Variants in C4orf50 observed in about 807,000 individuals in gnomAD.
The protein encoded by C4orf50 is uncharacterized protein C4orf50.
C4orf50 carries 80 observed loss-of-function variants against 77.2 expected under a neutral mutation model. The ratio of observed to expected loss-of-function variants is 1.04; its 90% CI spans 0.87 to 1.25. The LOEUF (loss-of-function observed/expected upper bound fraction) is 1.25. Ranked by LOEUF, C4orf50 falls within the 50% of genes most tolerant of loss-of-function variation. C4orf50 has a pLI of 0.00. For missense variants in C4orf50, 1,257 were observed against 1,152.9 expected (o/e 1.09, Z -1.31); for synonymous variants, 532 against 465.3 (o/e 1.14, Z -1.84).
intron 25 of C4orf50, among the ~76,000 whole-genome samples, chr4:6,004,082 GATA>G (rs1722041046): frequency 1.9e-5 from 1 of 52,460 alleles, no homozygotes; most frequent in Non-Finnish European, 3.6e-5. Flanking sequence ...GTGATGATGT[GATA>G]GTGATGATGG....
Position 6,011,063 on chromosome 4 carries a change from C to A in C4orf50, c.426+767G>T, listed in dbSNP as rs1431637294. ...CCAGGCCTCTGCCTCCAGAGCCCCC[C>A]ACCCTTAACTGCCCACTGCTTCTCC... is the stretch of plus-strand genomic sequence containing the variant. On this transcript the variant is annotated intron_variant, in intron 24 of 33. Transcript: ENST00000531445. This position sits in a 1 kb window ranked among gnomAD's most constrained non-coding sequence, Gnocchi z 4.2. Among the ~76,000 whole-genome samples the A allele has an allele frequency of 1.3e-5, 2 of 152,186 alleles. No homozygotes were observed. The highest frequency in any genetic ancestry group is 1.5e-5 in the Non-Finnish European group (1 of 68,020).
intron 7 of C4orf50, chr4:5,902,578 C>A (rs1424603404): frequency 1.3e-5 from 2 of 152,186 alleles, no homozygotes; most frequent in Non-Finnish European, 2.9e-5. Context: ...CTGCCGGATG[C>A]TTTTCTTTTC....
chr4:5,964,745 G>A (rs1201980517), intron 33 of C4orf50, among the ~76,000 whole-genome samples: 1 of 126,812 alleles, frequency 7.9e-6, no homozygotes, highest in Non-Finnish European at 1.6e-5. Context: ...TCCAGCCTGG[G>A]TAACAGAGCA....
exon 28 of C4orf50, chr4:5,988,661 C>T (rs560872212): frequency 2.1e-5 from 33 of 1,535,972 alleles, no homozygotes; most frequent in Middle Eastern, 1.7e-4. Context: ...TTGTCTAGAG[C>T]GTGCATCTTG....
chr4:5,905,856 G>T lies in C4orf50; in HGVS notation c.*2475-7668C>A, dbSNP rs1410763547. Among the ~76,000 whole-genome samples the T allele has an allele frequency of 6.7e-6, 1 of 148,956 alleles. No homozygotes were observed. Among genetic ancestry groups the T allele is most frequent in the South Asian group, 2.2e-4 (1 of 4,648 alleles). ...TGCTCTGGGATGTCGTCATTTGTTC[G>T]TCCAACAAAAAGTGATGGGACACCT... On this transcript the variant is annotated intron_variant, in intron 7 of 7. Coordinates refer to the C4orf50 transcript ENST00000324058. The surrounding 1 kb of genome is among the most constrained non-coding windows in gnomAD (Gnocchi z 5.4).
chr4:5,996,976 G>T (rs1050604829), intron 25 of C4orf50, among the ~76,000 whole-genome samples: 4 of 152,024 alleles, frequency 2.6e-5, no homozygotes, highest in Non-Finnish European at 4.4e-5. Context: ...AGTGTGAGAG[G>T]GAAAAGAGAA....
intron 33 of C4orf50, among the ~76,000 whole-genome samples, chr4:5,962,622 C>T (rs1719333425): frequency 6.6e-6 from 1 of 152,212 alleles, no homozygotes; most frequent in Admixed American, 6.5e-5. Flanking sequence ...ACATAATGAT[C>T]AGAGGGCCAG....
chr4:5,983,939 A>G (rs1720730931), intron 28 of C4orf50, among the ~76,000 whole-genome samples: 1 of 152,222 alleles, frequency 6.6e-6, no homozygotes. Flanking sequence ...TAAGCCTTGC[A>G]AAGAACAGCA....
intron 26 of C4orf50, among the ~76,000 whole-genome samples, chr4:5,993,422 T>A (rs988820745): frequency 6.6e-6 from 1 of 152,072 alleles, no homozygotes; most frequent in African/African-American, 2.4e-5. Flanking sequence ...GCCCTTGAGG[T>A]TGGAGGGCTG....
rs562828737 is a variant in C4orf50 at position 5,970,300 on chromosome 4, A to G, written c.4105-2838T>C. On this transcript the variant is annotated intron_variant, in intron 31 of 33. Transcript: ENST00000531445. This position sits in a 1 kb window ranked among gnomAD's most constrained non-coding sequence, Gnocchi z 4.3. ...TCTAGAGAGGTTTTAGGAATCCGAGAACAGCCTTCCCTGAGGGACCATCTC... is the reference window on the plus strand; with the variant it reads ...TCTAGAGAGGTTTTAGGAATCCGAGGACAGCCTTCCCTGAGGGACCATCTC... Among the ~76,000 whole-genome samples, 2 of 152,270 alleles carry G rather than the reference A, an allele frequency of 1.3e-5. No homozygotes were observed. Among genetic ancestry groups the G allele is most frequent in the East Asian group, 1.9e-4 (1 of 5,164 alleles).
chr4:5,975,311 G>C (rs1450426461), intron 30 of C4orf50, among the ~76,000 whole-genome samples: 1 of 152,062 alleles, frequency 6.6e-6, no homozygotes, highest in African/African-American at 2.4e-5. Flanking sequence ...AGCATGAAAA[G>C]TGCAGCCTCA....
chr4:5,929,076 G>A (rs989334946), intron 7 of C4orf50, among the ~76,000 whole-genome samples: 14 of 152,188 alleles, frequency 9.2e-5, no homozygotes, highest in Non-Finnish European at 2.1e-4. Flanking sequence ...CTGAACAAAT[G>A]TGAAAAGGCC....
At chr4:5,906,696 G>A (rs952147831) in intron 7 of C4orf50, among the ~76,000 whole-genome samples, 5 of 152,264 alleles carry the variant, frequency 3.3e-5, no homozygotes, top group South Asian at 4.1e-4. Context: ...CACACAGCTC[G>A]TGGCCGCATC....
intron 7 of C4orf50, among the ~76,000 whole-genome samples, chr4:5,934,573 A>G (rs1272420473): frequency 6.6e-6 from 1 of 151,958 alleles, no homozygotes; most frequent in African/African-American, 2.4e-5. Context: ...AACTCCTGGC[A>G]TGTTCTTCAC....
At chr4:5,952,851 T>G (rs1718790003), downstream of C4orf50, among the ~76,000 whole-genome samples, 1 of 152,112 alleles carries the variant, frequency 6.6e-6, no homozygotes, top group Non-Finnish European at 1.5e-5. This position sits in a 1 kb window ranked among gnomAD's most constrained non-coding sequence, Gnocchi z 4.4. Flanking sequence ...GAACGACTCG[T>G]TTTGGCACCG....
intron 23 of C4orf50, 138 bp from the exon 2 acceptor site, chr4:6,012,106 T>G (rs550618119): frequency 5.0e-6 from 2 of 397,512 alleles, no homozygotes; most frequent in African/African-American, 4.1e-5. Flanking sequence ...AAAATTACGT[T>G]TTGCATAATA....
intron 25 of C4orf50, among the ~76,000 whole-genome samples, chr4:5,998,693 T>C (rs1721703140): frequency 6.6e-6 from 1 of 152,238 alleles, no homozygotes; most frequent in African/African-American, 2.4e-5. Context: ...CACAGCCCTG[T>C]GCTGCCCTCT....
rs796430839 is a variant in C4orf50, at chr4:5,905,915, CA to C, written c.*2475-7728del. Among the ~76,000 whole-genome samples, 16 of 125,188 alleles carry C rather than the reference CA, an allele frequency of 1.3e-4. 1 individual carries two copies. The highest frequency in any genetic ancestry group is 5.8e-4 in the African/African-American group (16 of 27,504). The allele number at this position is 125,188 out of a possible 152,430, so 82.1% of individuals were successfully genotyped here. A position where few individuals can be genotyped will look rare whatever the true frequency, so the allele number is the denominator to read the frequency against. ...GTAATCTCTATGCTAAGCACGGGGG[CA>C]GGGGGGCGGGGGGCAGAGGGACGGA... On this transcript the variant is annotated intron_variant, in intron 7 of 7. Coordinates refer to the C4orf50 transcript ENST00000324058. This position sits in a 1 kb window ranked among gnomAD's most constrained non-coding sequence, Gnocchi z 5.4.
At chr4:5,904,978 C>T (rs1331942489) in intron 7 of C4orf50, 1 of 152,162 alleles carries the variant, frequency 6.6e-6, no homozygotes, top group Non-Finnish European at 1.5e-5. Context: ...CTGCATTTTA[C>T]AAACACAACA....
Sources: allele counts gnomAD v4.1 joint callset (sites outside exome capture counted in the v4.1 genomes callset), GRCh38; gene constraint gnomAD v4.1.1; non-coding constraint Gnocchi (gnomAD v3.1); transcripts MANE v1.5; gene names NCBI Gene and HGNC (gene_info 2026-07-23, HGNC 2026-07-21).